The following RNLS variants were observed in gnomAD, a reference collection of about 807,000 sequenced individuals.
RNLS encodes the protein renalase.
RNLS carries 39 observed loss-of-function variants against 39.8 expected under a neutral mutation model. The ratio of observed to expected loss-of-function variants is 0.98; its 90% CI spans 0.76 to 1.28. RNLS has a LOEUF of 1.28. Ranked by LOEUF, RNLS falls within the 50% of genes most tolerant of loss-of-function variation. The pLI is 0.00. For synonymous variants in RNLS, 147 were observed against 150.7 expected, an observed-to-expected ratio of 0.98 and a Z score of 0.18; for missense variants, 410 against 413.3, an observed-to-expected ratio of 0.99 and a Z score of 0.07.
chr10:88,289,490 T>C lies in RNLS; in HGVS notation c.877-3984A>G, dbSNP rs1450925432. On this transcript the variant is annotated intron_variant, in intron 6 of 6. Coordinates refer to ENST00000331772, the MANE Select transcript of RNLS (RefSeq NM_001031709.3). Reference sequence around the variant, plus strand: ...GACTCAGTATAAACATCACCTGCTCTGAGGCATTGTTGCTCAGCCAGGCAA... The same window carrying C: ...GACTCAGTATAAACATCACCTGCTCCGAGGCATTGTTGCTCAGCCAGGCAA... Among the ~76,000 whole-genome samples, 4 of 152,168 alleles carry C rather than the reference T, an allele frequency of 2.6e-5. No individual in the cohort carries two copies. The East Asian group carries it at 7.7e-4, about 29-fold the overall frequency.
At chr10:88,510,383 G>A (rs1439801305) in intron 4 of RNLS, among the ~76,000 whole-genome samples, 2 of 151,984 alleles carry the variant, frequency 1.3e-5, no homozygotes, top group Non-Finnish European at 2.9e-5. Context: ...ATTAGCAAGA[G>A]ATTTTTTAAT....
chr10:88,552,789 T>C (rs1022201110), intron 4 of RNLS, among the ~76,000 whole-genome samples: 2 of 152,106 alleles, frequency 1.3e-5, no homozygotes, highest in South Asian at 4.1e-4. Flanking sequence ...CTATTGTATA[T>C]GCTATATGGA....
At chr10:88,428,513 G>A (rs1220563799) in intron 4 of RNLS, among the ~76,000 whole-genome samples, 1 of 151,948 alleles carries the variant, frequency 6.6e-6, no homozygotes, top group African/African-American at 2.4e-5. Context: ...TGTCCATGTG[G>A]TTTTGACCCT....
At chr10:88,316,853 G>A (rs1845798815) in intron 5 of RNLS, among the ~76,000 whole-genome samples, 1 of 152,132 alleles carries the variant, frequency 6.6e-6, no homozygotes, top group African/African-American at 2.4e-5. Flanking sequence ...AGCTATGACT[G>A]AAAACAGTAA....
At chr10:88,269,465 T>A (rs1423672346), downstream of RNLS, among the ~76,000 whole-genome samples, 2 of 152,220 alleles carry the variant, frequency 1.3e-5, no homozygotes, top group Non-Finnish European at 2.9e-5. Flanking sequence ...GTGACAGCTA[T>A]ATTAGGCAGG....
chr10:88,291,163 A>G (rs897083400), intron 6 of RNLS, among the ~76,000 whole-genome samples: 3 of 152,176 alleles, frequency 2.0e-5, no homozygotes, highest in Non-Finnish European at 4.4e-5. Context: ...AATACTCTAC[A>G]GTTTCTCAAT....
intron 4 of RNLS, among the ~76,000 whole-genome samples, chr10:88,381,392 TG>T (rs1481412337): frequency 2.8e-5 from 4 of 142,718 alleles, no homozygotes; most frequent in Admixed American, 2.7e-4. Context: ...TCGTTATTCT[TG>T]TGGATAGTTT....
intron 4 of RNLS, among the ~76,000 whole-genome samples, chr10:88,488,355 T>G (rs9664569): frequency 0.19 from 28,342 of 151,822 alleles, 2,912 homozygotes; most frequent in Middle Eastern, 0.28. Context: ...GAGATCAGCC[T>G]GACCAACATG....
At chr10:88,247,949 G>A in the RNLS span, among the ~76,000 whole-genome samples, 3 of 152,190 alleles carry the variant, frequency 2.0e-5, no homozygotes, top group African/African-American at 7.2e-5. Context: ...GCAAGACAAT[G>A]GATTCTCACC....
At chr10:88,320,559 C>CTCTTG (rs1846110620) in intron 5 of RNLS, among the ~76,000 whole-genome samples, 1 of 147,752 alleles carries the variant, frequency 6.8e-6, no homozygotes, top group South Asian at 2.3e-4. Flanking sequence ...ACCAATGTCA[C>CTCTTG]ACATTATGAC....
intron 4 of RNLS, among the ~76,000 whole-genome samples, chr10:88,514,264 G>A (rs979804233): frequency 5.3e-5 from 8 of 151,858 alleles, no homozygotes; most frequent in Non-Finnish European, 8.8e-5. Context: ...GCAAAGAGCC[G>A]CTTATAAAAC....
intron 6 of RNLS, among the ~76,000 whole-genome samples, chr10:88,299,546 C>A (rs1321339142): frequency 1.3e-5 from 2 of 152,160 alleles, no homozygotes; most frequent in African/African-American, 4.8e-5. Context: ...AATTGCTTGA[C>A]CCCGTGAGGT....
chr10:88,384,622 A>G lies in RNLS; in HGVS notation c.527-21897T>C, dbSNP rs549538039. Among the ~76,000 whole-genome samples the G allele has an allele frequency of 2.6e-5, 4 of 152,366 alleles. No individual in the cohort carries two copies. The South Asian group carries it at 6.2e-4, about 24-fold the overall frequency. On this transcript the variant is annotated intron_variant, in intron 4 of 6. Transcript: ENST00000331772. ...TTCAATATTAGATTAATTACTATAT[A>G]GAAAGCACTTAGAACAACTATAGCT...
chr10:88,398,971 A>G (rs1018933374), intron 4 of RNLS, among the ~76,000 whole-genome samples: 1 of 152,182 alleles, frequency 6.6e-6, no homozygotes, highest in East Asian at 1.9e-4. Context: ...AACAGTGGAC[A>G]AAAAATCTGA....
At chr10:88,448,258 A>C (rs932856346) in intron 4 of RNLS, among the ~76,000 whole-genome samples, 8 of 152,270 alleles carry the variant, frequency 5.3e-5, no homozygotes, top group African/African-American at 1.9e-4. Context: ...CAATATACTC[A>C]TCTGACAAAG....
chr10:88,443,705 C>T (rs549126878), intron 4 of RNLS, among the ~76,000 whole-genome samples: 4 of 152,156 alleles, frequency 2.6e-5, no homozygotes, highest in Non-Finnish European at 5.9e-5. Context: ...GCCCACAGAG[C>T]GTTGCTCATC....
the RNLS span, among the ~76,000 whole-genome samples, chr10:88,255,481 G>C: frequency 6.6e-6 from 1 of 152,184 alleles, no homozygotes; most frequent in African/African-American, 2.4e-5. Context: ...TTGGGAGCAA[G>C]GGAGGAGGAG....
intron 4 of RNLS, among the ~76,000 whole-genome samples, chr10:88,441,856 G>A (rs1414012938): frequency 1.3e-5 from 2 of 152,210 alleles, no homozygotes; most frequent in Non-Finnish European, 2.9e-5. Flanking sequence ...AGGTCTTAAT[G>A]GGGTTCCTGA....
At position 88,445,789 on chromosome 10, in the gene RNLS, T is replaced by C. The variant is rs539113273; in HGVS notation, c.527-83064A>G. Among the ~76,000 whole-genome samples the C allele has an allele frequency of 1.6e-4, 25 of 152,262 alleles. No homozygotes were observed. In the South Asian group the frequency reaches 1.7e-3, roughly 10 times the overall value. ...CTATCCTAAATATACATGCACCCAA[T>C]ACAGGAGCACCCAAATTCATAAAGC... On this transcript the variant is annotated intron_variant, in intron 4 of 6. Coordinates refer to ENST00000331772, the MANE Select transcript of RNLS (RefSeq NM_001031709.3).
Sources: allele counts gnomAD v4.1 joint callset (sites outside exome capture counted in the v4.1 genomes callset), GRCh38; gene constraint gnomAD v4.1.1; transcripts MANE v1.5; gene names NCBI Gene and HGNC (gene_info 2026-07-23, HGNC 2026-07-21).